The following SLC22A16 variants were observed in gnomAD, a reference collection of about 807,000 sequenced individuals.
SLC22A16 encodes WUGSC:RG331P03.1.
In SLC22A16, 53 loss-of-function variants were observed where a neutral mutation model predicts 52.9. The observed-to-expected ratio is 1.00, with a 90% CI of 0.80 to 1.26. The LOEUF (loss-of-function observed/expected upper bound fraction) is 1.26. SLC22A16 is among the 50% of genes most tolerant of loss of function. The probability of loss-of-function intolerance (pLI) is 0.00; values close to 1 mark genes in which losing one functional copy is unlikely to be tolerated. For synonymous variants in SLC22A16, 291 were observed against 268.8 expected, an observed-to-expected ratio of 1.08 and a Z score of -0.81; for missense variants, 726 against 704.0, an observed-to-expected ratio of 1.03 and a Z score of -0.35.
At chr6:110,455,757 G>C (rs1775625315) in intron 2 of SLC22A16, 1 of 152,168 alleles carries the variant, frequency 6.6e-6, no homozygotes, top group Admixed American at 6.5e-5. Context: ...GGCCTTGGGA[G>C]GTGATAAAGT....
intron 2 of SLC22A16, among the ~76,000 whole-genome samples, chr6:110,455,090 C>G (rs1335548177): frequency 7.2e-6 from 1 of 139,644 alleles, no homozygotes; most frequent in Non-Finnish European, 1.5e-5. Context: ...CTGCATCTAT[C>G]AAAGTGACTG....
At chr6:110,456,197 C>A (rs1190714784) in intron 2 of SLC22A16, 1 of 245,258 alleles carries the variant, frequency 4.1e-6, no homozygotes, top group South Asian at 7.5e-5. Flanking sequence ...GTCCAGGGTA[C>A]TTTTTTTCTG....
At chr6:110,472,689 T>C (rs1026194830) in intron 1 of SLC22A16, among the ~76,000 whole-genome samples, 5 of 151,828 alleles carry the variant, frequency 3.3e-5, no homozygotes, top group Admixed American at 2.0e-4. Flanking sequence ...AACACATCAC[T>C]CTCTCTTTTA....
intron 1 of SLC22A16, among the ~76,000 whole-genome samples, chr6:110,474,755 C>T (rs1001445153): frequency 4.6e-5 from 7 of 152,218 alleles, no homozygotes; most frequent in African/African-American, 1.7e-4. Context: ...GTCCCACCTG[C>T]CAGGGTCCTT....
intron 1 of SLC22A16, among the ~76,000 whole-genome samples, chr6:110,471,191 A>G (rs1200811841): frequency 6.6e-6 from 1 of 152,236 alleles, no homozygotes; most frequent in Non-Finnish European, 1.5e-5. Flanking sequence ...TTCCATGTTT[A>G]GGTACACAAA....
Position 110,442,330 on chromosome 6 carries a change from C to A in SLC22A16, c.1097G>T (p.Trp366Leu), listed in dbSNP as rs1775000293. 1 of 1,614,006 alleles carries A rather than the reference C, an allele frequency of 6.2e-7. No homozygotes were observed. The highest frequency in any genetic ancestry group is 1.3e-5 in the African/African-American group (1 of 74,896). The change falls in exon 4 of 8, where the codon TGG becomes TTG. Residue 366 changes from tryptophan to leucine, a missense_variant. Transcript: ENST00000368919. ...GTAGAATCCCAAACTTCCAGTGAACCAGATTAGCCAAACGGTAAGTGTCCT... is the reference window on the plus strand; with the variant it reads ...GTAGAATCCCAAACTTCCAGTGAACAAGATTAGCCAAACGGTAAGTGTCCT... ...TKRTLTVWLI[W>L]FTGSLGFYSF...
chr6:110,457,143 T>C, intron 1 of SLC22A16, 126 bp from the exon 2 acceptor site: 2 of 910,028 alleles, frequency 2.2e-6, no homozygotes, highest in Non-Finnish European at 3.2e-6. Context: ...TAGAAATAAT[T>C]ATAGACATAT....
At chr6:110,448,256 G>A (rs1047028904) in intron 2 of SLC22A16, among the ~76,000 whole-genome samples, 16 of 152,130 alleles carry the variant, frequency 1.1e-4, no homozygotes, top group Admixed American at 6.5e-4. Flanking sequence ...TAATGATGTT[G>A]AGCATCTTTT....
In SLC22A16 at chr6:110,464,520, T is replaced by C. The variant is rs762566281; in HGVS notation, c.54-7503A>G. On this transcript the variant is annotated intron_variant, in intron 1 of 7. Coordinates refer to ENST00000368919, the MANE Select transcript of SLC22A16 (RefSeq NM_033125.4). ...ATCATCAGAGACTACTATGAACATC[T>C]CTAAGTGCACACACTAGAAAACCCA... Among the ~76,000 whole-genome samples, 51 of 152,022 alleles carry C rather than the reference T, an allele frequency of 3.4e-4. 1 individual carries two copies. The highest frequency in any genetic ancestry group is 4.1e-4 in the South Asian group (2 of 4,824).
At chr6:110,444,903 G>T (rs185040660) in intron 3 of SLC22A16, among the ~76,000 whole-genome samples, 1 of 152,142 alleles carries the variant, frequency 6.6e-6, no homozygotes, top group East Asian at 1.9e-4. Flanking sequence ...GTTAAATTAA[G>T]CTGTAATATT....
chr6:110,437,905 G>C (rs1252576100), intron 5 of SLC22A16, among the ~76,000 whole-genome samples: 1 of 152,138 alleles, frequency 6.6e-6, no homozygotes, highest in East Asian at 1.9e-4. Context: ...GGGTGTTTAT[G>C]CGTACCAGAC....
chr6:110,434,285 T>C (rs1474850091), intron 6 of SLC22A16, among the ~76,000 whole-genome samples: 4 of 152,024 alleles, frequency 2.6e-5, no homozygotes, highest in Non-Finnish European at 5.9e-5. Context: ...AAAAGATCCC[T>C]TCCCTTTATA....
intron 1 of SLC22A16, among the ~76,000 whole-genome samples, chr6:110,460,663 G>A (rs1163096749): frequency 6.6e-6 from 1 of 152,212 alleles, no homozygotes; most frequent in Non-Finnish European, 1.5e-5. Context: ...GGCCTGAACT[G>A]AGATGGTGGA....
At position 110,431,136 on chromosome 6, in the gene SLC22A16, G is replaced by C. The variant is rs762283964; in HGVS notation, c.1521+35C>G. Reference sequence around the variant, plus strand: ...ATAGGCAATTAGAAACTGCCTCCGTGCCCCCTTGGGGAGGGTCTGCAAACT... The same window carrying C: ...ATAGGCAATTAGAAACTGCCTCCGTCCCCCCTTGGGGAGGGTCTGCAAACT... On this transcript the variant is annotated intron_variant, in intron 7 of 7. Transcript: ENST00000368919. The C allele has an allele frequency of 5.0e-5, 78 of 1,563,354 alleles. No homozygotes were observed. The Middle Eastern group carries it at 2.2e-3, about 44-fold the overall frequency.
rs534772456 is a variant in SLC22A16, at chr6:110,447,902, C to T, written c.534-912G>A. Among the ~76,000 whole-genome samples the T allele has an allele frequency of 2.6e-5, 4 of 152,302 alleles. No homozygotes were observed. The South Asian group carries it at 6.2e-4, about 24-fold the overall frequency. ...GATAAACCACATTTTATCTATTCAT[C>T]AGTTGATGGCTCATTTTCCTCTTCT... On this transcript the variant is annotated intron_variant, in intron 2 of 7. Transcript: ENST00000368919.
Position 110,456,689 on chromosome 6 carries a change from C to T in SLC22A16, c.382G>A (p.Gly128Ser). Residue 128 changes from glycine (G) to serine (S), a missense_variant, in exon 2 of 8, where the codon GGC becomes AGC. Transcript: ENST00000368919. The stretch of plus-strand genomic sequence containing the variant: ...CATGTGTTCTGGTCATATATGTAGC[C>T]ATCCACACAAGGAAACTCTTTCTTA... Reference protein sequence around the residue: ...GSKKEFPCVDGYIYDQNTWKS... With the variant: ...GSKKEFPCVDSYIYDQNTWKS... 1 of 1,614,180 alleles carries T rather than the reference C, an allele frequency of 6.2e-7. No individual in the cohort carries two copies. The highest frequency in any genetic ancestry group is 1.1e-5 in the South Asian group (1 of 91,082).
chr6:110,444,138 C>T (rs2114944427), intron 3 of SLC22A16, among the ~76,000 whole-genome samples: 1 of 152,116 alleles, frequency 6.6e-6, no homozygotes. Context: ...ATGTACTTTA[C>T]CACAAGAAGG....
At chr6:110,428,456 C>G (rs761120294) in intron 7 of SLC22A16, among the ~76,000 whole-genome samples, 34 of 152,190 alleles carry the variant, frequency 2.2e-4, no homozygotes, top group Non-Finnish European at 1.0e-4. Context: ...GTGTAAAAGG[C>G]AAAGGAGCAT....
intron 2 of SLC22A16, among the ~76,000 whole-genome samples, chr6:110,455,047 T>A (rs1472398880): frequency 1.5e-5 from 2 of 130,672 alleles, no homozygotes; most frequent in Admixed American, 9.6e-5. Context: ...TATTTTTTAT[T>A]TATATATTAT....
Sources: allele counts gnomAD v4.1 joint callset (sites outside exome capture counted in the v4.1 genomes callset), GRCh38; gene constraint gnomAD v4.1.1; transcripts MANE v1.5; gene names NCBI Gene and HGNC (gene_info 2026-07-23, HGNC 2026-07-21).